SPINK6: variants seen among roughly 807,000 people sequenced by gnomAD.
SPINK6 encodes serine peptidase inhibitor Kazal type 6, also known as serine protease inhibitor Kazal-type 6.
In SPINK6, 13 loss-of-function variants were observed where a neutral mutation model predicts 11.7. The ratio of observed to expected loss-of-function variants is 1.11; its 90% CI spans 0.72 to 1.76. The LOEUF (loss-of-function observed/expected upper bound fraction) is 1.76, where lower values mean the gene tolerates loss of function less well. Ranked by LOEUF, SPINK6 falls within the 40% of genes most tolerant of loss-of-function variation. The probability of loss-of-function intolerance (pLI) is 0.00; values close to 1 mark genes in which losing one functional copy is unlikely to be tolerated. For synonymous variants in SPINK6, 21 were observed against 31.9 expected (o/e 0.66, Z 1.15); for missense variants, 98 against 93.7 (o/e 1.05, Z -0.19).
chr5:148,206,617 T>G (rs543041163), intron 2 of SPINK6, among the ~76,000 whole-genome samples: 1 of 152,330 alleles, frequency 6.6e-6, no homozygotes, highest in Admixed American at 6.5e-5. Flanking sequence ...ACAGACTGAT[T>G]CACTCAAATT....
At chr5:148,208,974 CT>C (rs1403663314) in intron 2 of SPINK6, among the ~76,000 whole-genome samples, 1 of 152,132 alleles carries the variant, frequency 6.6e-6, no homozygotes, top group Non-Finnish European at 1.5e-5. Flanking sequence ...CAGAACAAGC[CT>C]TTTAAAAGCA....
intron 2 of SPINK6, among the ~76,000 whole-genome samples, chr5:148,210,018 GCA>G (rs1755559878): frequency 6.2e-5 from 1 of 16,116 alleles, no homozygotes; most frequent in African/African-American, 1.1e-4. Flanking sequence ...ATGTATGTAC[GCA>G]TGTACGCATG....
intron 2 of SPINK6, among the ~76,000 whole-genome samples, chr5:148,209,969 T>TACGTATGTATGTGTACATACAC (rs1561732069): frequency 7.9e-6 from 1 of 126,610 alleles, no homozygotes; most frequent in African/African-American, 2.9e-5. Context: ...TATACATACA[T>TACGTATGTATGTGTACATACAC]ACGTACGTAT....
At chr5:148,213,275 G>A (rs968969142) in intron 2 of SPINK6, among the ~76,000 whole-genome samples, 1 of 152,018 alleles carries the variant, frequency 6.6e-6, no homozygotes, top group East Asian at 1.9e-4. Context: ...GCGGTGGCGC[G>A]ATCTGGGCTC....
intron 2 of SPINK6, among the ~76,000 whole-genome samples, chr5:148,213,237 C>T (rs1377388280): frequency 1.3e-5 from 2 of 151,158 alleles, no homozygotes; most frequent in Admixed American, 6.6e-5. Flanking sequence ...TGTTTGACGG[C>T]GTCTCAGTCT....
At chr5:148,214,882 A>T (rs759271162) in intron 3 of SPINK6, 23 bp from the exon 4 acceptor site, 2 of 1,605,680 alleles carry the variant, frequency 1.2e-6, no homozygotes. Context: ...CACTGAGTAT[A>T]TATTTGTCTT....
chr5:148,213,206 G>GTTTGTT (rs56093747), intron 2 of SPINK6, among the ~76,000 whole-genome samples: 33 of 151,498 alleles, frequency 2.2e-4, no homozygotes, highest in South Asian at 4.2e-4. Context: ...TTTTTTGTTT[G>GTTTGTT]TTTGTTTTTG....
In SPINK6 at chr5:148,212,614, TTATATTA is replaced by T. The variant is rs558198501; in HGVS notation, c.82-1276_82-1270del. Among the ~76,000 whole-genome samples, 329 of 102,260 alleles carry T rather than the reference TTATATTA, an allele frequency of 3.2e-3. 5 individuals carry two copies. The highest frequency in any genetic ancestry group is 0.026 in the South Asian group (104 of 4,052). 67.1% of individuals were successfully genotyped at this position (102,260 alleles called of 152,430 possible). A position where few individuals can be genotyped will look rare whatever the true frequency, so the allele number is the denominator to read the frequency against. On this transcript the variant is annotated intron_variant, in intron 2 of 3. Coordinates refer to ENST00000325630, the MANE Select transcript of SPINK6 (RefSeq NM_205841.4). Reference sequence around the variant, plus strand: ...ATTTTATATAATATATAATATATATTTATATTATATATTATATATTATATATAATATA... The same window carrying T: ...ATTTTATATAATATATAATATATATTTATATTATATATTATATATAATATA...
chr5:148,208,278 TCAAATATAAATGA>T (rs1373944609), intron 2 of SPINK6, among the ~76,000 whole-genome samples: 3 of 152,160 alleles, frequency 2.0e-5, no homozygotes, highest in African/African-American at 7.2e-5. Flanking sequence ...TCTTCTCCAC[TCAAATATAAATGA>T]CAGGGAAGCT....
intron 1 of SPINK6, among the ~76,000 whole-genome samples, chr5:148,204,845 C>T (rs989885214): frequency 2.6e-5 from 4 of 152,086 alleles, no homozygotes; most frequent in African/African-American, 9.7e-5. Context: ...GCAAATCTCT[C>T]CTCTTTTGAT....
At chr5:148,212,556 TTA>T (rs1221464847) in intron 2 of SPINK6, among the ~76,000 whole-genome samples, 2 of 57,992 alleles carry the variant, frequency 3.4e-5, no homozygotes, top group Non-Finnish European at 7.6e-5. Flanking sequence ...ATTTATATAT[TTA>T]TATAATATAT....
chr5:148,212,645 T>A (rs1755623932), intron 2 of SPINK6, among the ~76,000 whole-genome samples: 1 of 108,664 alleles, frequency 9.2e-6, no homozygotes, highest in South Asian at 2.4e-4. Flanking sequence ...ATATATAATA[T>A]AAATATATAT....
At chr5:148,212,960 ATAGAT>A in intron 2 of SPINK6, among the ~76,000 whole-genome samples, 1 of 148,224 alleles carries the variant, frequency 6.7e-6, no homozygotes, top group Admixed American at 6.9e-5. Context: ...CATATCCTAT[ATAGAT>A]TAGTTTATGT....
At chr5:148,213,304 C>T (rs1755638023) in intron 2 of SPINK6, among the ~76,000 whole-genome samples, 2 of 152,070 alleles carry the variant, frequency 1.3e-5, no homozygotes, top group Admixed American at 1.3e-4. Context: ...CTCCGTCTCC[C>T]AGGTTCATGC....
At position 148,205,972 on chromosome 5, in the gene SPINK6, T is replaced by A. The variant is rs181968604; in HGVS notation, c.59-64T>A. On this transcript the variant is annotated intron_variant, in intron 1 of 3. Transcript: ENST00000325630. ...AGTAGATATTAGGAATTTCCTAATG[T>A]TGAAAATTTCACTTTTTGTACATCA... is the stretch of plus-strand genomic sequence containing the variant. 217 of 1,567,018 alleles carry A rather than the reference T, an allele frequency of 1.4e-4. No homozygotes were observed. In the East Asian group the frequency reaches 4.0e-3, roughly 29 times the overall value.
At chr5:148,209,997 C>CCCGTACGTAT (rs1561732192) in intron 2 of SPINK6, among the ~76,000 whole-genome samples, 1 of 145,892 alleles carries the variant, frequency 6.9e-6, no homozygotes, top group Admixed American at 6.8e-5. Flanking sequence ...TACATATACA[C>CCCGTACGTAT]GTATGTATAC....
chr5:148,205,238 T>C (rs943129185), intron 1 of SPINK6, among the ~76,000 whole-genome samples: 2 of 152,172 alleles, frequency 1.3e-5, no homozygotes, highest in Non-Finnish European at 2.9e-5. Flanking sequence ...GCAGTGCTCT[T>C]GGGCTTATGT....
At chr5:148,214,175 G>C in intron 3 of SPINK6, 150 bp downstream of exon 3, 2 of 505,540 alleles carry the variant, frequency 4.0e-6, no homozygotes, top group Admixed American at 3.7e-5. Flanking sequence ...GAAAACAGAT[G>C]GGTCAAAAGC....
At chr5:148,211,272 G>A (rs1421212792) in intron 2 of SPINK6, among the ~76,000 whole-genome samples, 1 of 152,144 alleles carries the variant, frequency 6.6e-6, no homozygotes, top group African/African-American at 2.4e-5. Flanking sequence ...TCCAGCTGAA[G>A]TTAAGGACAT....
Sources: gnomAD v4.1 joint callset for allele counts (sites outside exome capture counted in the v4.1 genomes callset) on GRCh38, gnomAD v4.1.1 for gene constraint, MANE v1.5 for transcripts, NCBI Gene and HGNC (gene_info 2026-07-23, HGNC 2026-07-21) for gene names.